Variants in KIF7 observed in about 807,000 individuals in gnomAD.
KIF7 encodes the protein kinesin family member 7.
Under a neutral mutation model 135.7 loss-of-function variants are expected in KIF7, and 104 were observed. That is an observed-to-expected ratio of 0.77 (90% CI 0.65 to 0.90). The LOEUF (loss-of-function observed/expected upper bound fraction) is 0.90, where lower values mean the gene tolerates loss of function less well. Among genes scored for constraint, KIF7 ranks in the 40% least tolerant of loss-of-function variants. KIF7 has a pLI of 0.00. For synonymous variants in KIF7, 883 were observed against 809.4 expected (o/e 1.09, Z -1.54); for missense variants, 2,005 against 1,839.1 (o/e 1.09, Z -1.65).
chr15:89,626,089 T>C, downstream of KIF7: 2 of 1,608,002 alleles, frequency 1.2e-6, no homozygotes, highest in Non-Finnish European at 1.7e-6. Context: ...TCTAGGACCC[T>C]TTCCTGTGAC....
Position 89,648,711 on chromosome 15 carries a change from G to A in KIF7, c.987C>T (p.Ser329=). 6.5e-7 allele frequency: 1 copy of A among 1,536,354 alleles called. No homozygotes were observed. The change falls in exon 5 of 19, where the codon TCC becomes TCT. Residue 329 remains serine, a synonymous_variant. Transcript: ENST00000394412. ...TGAGGGTCTCGTCGAAGTCGGAGGA[G>A]GAAGGGCTGACGCAGGCGATCATCA... is the stretch of plus-strand genomic sequence containing the variant. ...KTVMIACVSP[S]SSDFDETLNT...
chr15:89,626,190 A>T, downstream of KIF7: 1 of 990,482 alleles, frequency 1.0e-6, no homozygotes, highest in Non-Finnish European at 1.5e-6. Flanking sequence ...CTTCGCGCCT[A>T]CAGCGTCATG....
Position 89,642,245 on chromosome 15 carries a change from C to G in KIF7, c.2352G>C (p.Gln784His). ...CCGCAGCGACCCTCCTGCGGAACTCCTGGAGCCGAGACCGCTCGCCAGCAT... is the reference window on the plus strand; with the variant it reads ...CCGCAGCGACCCTCCTGCGGAACTCGTGGAGCCGAGACCGCTCGCCAGCAT... ...LQDAGERSRL[Q>H]EFRRRVAAAQ... Residue 784 changes from glutamine to histidine, a missense_variant, in exon 11 of 19, where the codon CAG becomes CAC. Transcript: ENST00000394412. The G allele has an allele frequency of 6.2e-7, 1 of 1,610,604 alleles. No homozygotes were observed. Among genetic ancestry groups the G allele is most frequent in the East Asian group, 2.2e-5 (1 of 44,860 alleles).
Position 89,633,205 on chromosome 15 carries a change from G to A in KIF7, c.2654C>T (p.Ala885Val), listed in dbSNP as rs774073055. ...ACTGCGCCTCTTCCTCTGGAATGCC[G>A]CGATCTCTTCCGTCTTAATCTTCAG... ...KILKIKTEEIAAFQRKRRSGS... is the reference protein window; with the variant it reads ...KILKIKTEEIVAFQRKRRSGS... The change falls in exon 13 of 19, where the codon GCG becomes GTG. Residue 885 changes from alanine to valine, a missense_variant. Ala to Val is a moderately conservative substitution (Grantham distance 64). Transcript: ENST00000394412. 26 of 1,600,786 alleles carry A rather than the reference G, an allele frequency of 1.6e-5. No homozygotes were observed. Among genetic ancestry groups the A allele is most frequent in the Middle Eastern group, 1.7e-4 (1 of 5,830 alleles).
chr15:89,619,773 T>A, intron 1 of KIF7: 1 of 1,614,050 alleles, frequency 6.2e-7, no homozygotes, highest in Non-Finnish European at 8.5e-7. Context: ...TTCTGCCTCC[T>A]TCTATTCTGT....
In KIF7 at chr15:89,647,711, T is replaced by A. The variant is rs1045937674; in HGVS notation, c.1445A>T (p.Glu482Val). Residue 482 changes from glutamate to valine, a missense_variant and splice_region_variant, in exon 6 of 19, where the codon GAG becomes GTG. Physicochemically the swap from Glu to Val is moderately radical, Grantham distance 121. Coordinates refer to ENST00000394412, the MANE Select transcript of KIF7 (RefSeq NM_198525.3). Reference sequence around the variant, plus strand: ...CAGCAGCTGCTGCGCCCCCTCATCCTCCTATAGGGCAGGGAGAGGGGCTTC... The same window carrying A: ...CAGCAGCTGCTGCGCCCCCTCATCCACCTATAGGGCAGGGAGAGGGGCTTC... ...QAAQGAGGRK[E>V]DEGAQQLLTL... 1.3e-6 allele frequency: 2 copies of A among 1,565,444 alleles called. No individual in the cohort carries two copies. The highest frequency in any genetic ancestry group is 1.9e-5 in the Admixed American group (1 of 53,848).
At chr15:89,646,801 A>G (rs199738096) in intron 7 of KIF7, 29 bp downstream of exon 7, 776 of 1,605,822 alleles carry the variant, frequency 4.8e-4, no homozygotes, top group Non-Finnish European at 6.4e-4. Context: ...AGCAGGGCCC[A>G]CAGACACCCA....
downstream of KIF7, chr15:89,623,643 G>A: frequency 6.2e-7 from 1 of 1,608,322 alleles, no homozygotes; most frequent in Non-Finnish European, 8.5e-7. Context: ...AGAGTCACCA[G>A]AAATCTCTGA....
At chr15:89,618,074 G>C (rs1963364170) in exon 2 of KIF7, 1 of 1,411,472 alleles carries the variant, frequency 7.1e-7, no homozygotes. Context: ...ATCTTGTTAA[G>C]TGAGAAGCTG....
rs925622958 is a variant in KIF7, at chr15:89,630,213, G to A, written c.3318+74C>T. 2.8e-4 allele frequency: 394 copies of A among 1,388,626 alleles called. 1 individual carries two copies. Among genetic ancestry groups the A allele is most frequent in the Non-Finnish European group, 4.0e-4 (390 of 984,052 alleles). 86.0% of individuals were successfully genotyped at this position (1,388,626 alleles called of 1,614,324 possible). A position where few individuals can be genotyped will look rare whatever the true frequency, so the allele number is the denominator to read the frequency against. ...CTGGGAGGAAACGGGATATCCGCTG[G>A]AGCAGCTGCCATGAGACACCTCCCC... is the stretch of plus-strand genomic sequence containing the variant. On this transcript the variant is annotated intron_variant, in intron 16 of 18. Coordinates refer to ENST00000394412, the MANE Select transcript of KIF7 (RefSeq NM_198525.3).
chr15:89,641,776 G>A (rs1357695282), intron 11 of KIF7, among the ~76,000 whole-genome samples: 1 of 152,164 alleles, frequency 6.6e-6, no homozygotes, highest in East Asian at 1.9e-4. Context: ...ACTCCAGCCT[G>A]GGCAACAGAG....
downstream of KIF7, chr15:89,626,011 C>G: frequency 6.2e-7 from 1 of 1,613,312 alleles, no homozygotes; most frequent in South Asian, 1.1e-5. Flanking sequence ...ACCCAGTCTC[C>G]GCTGCTGTTC....
rs78984448 is a variant in KIF7, at chr15:89,630,238, C to A, written c.3318+49G>T. 2.9e-3 allele frequency: 4,494 copies of A among 1,567,734 alleles called. 131 individuals carry two copies. The African/African-American group carries it at 0.053, about 18-fold the overall frequency. ...GAGCAGCTGCCATGAGACACCTCCC[C>A]ACACGTGCCGCTGAGGAGGAGCTGG... On this transcript the variant is annotated intron_variant, in intron 16 of 18. Transcript: ENST00000394412.
At chr15:89,623,891 G>T (rs762234007), downstream of KIF7, 1 of 1,613,910 alleles carries the variant, frequency 6.2e-7, no homozygotes, top group Non-Finnish European at 8.5e-7. Flanking sequence ...AAGACACCAA[G>T]AACTCCTAAG....
chr15:89,617,691 T>A (rs1407818943), intron 2 of KIF7, among the ~76,000 whole-genome samples: 3 of 37,994 alleles, frequency 7.9e-5, no homozygotes, highest in Non-Finnish European at 2.4e-4. Flanking sequence ...CCAGCTATCT[T>A]TTTTTTTTTT....
chr15:89,628,468 A>G lies in KIF7; in HGVS notation c.3983T>C (p.Leu1328Pro). 2.5e-6 allele frequency: 4 copies of G among 1,610,428 alleles called. No homozygotes were observed. The highest frequency in any genetic ancestry group is 3.4e-6 in the Non-Finnish European group (4 of 1,178,228). ...FGPLSKPRRE[L>P]RRASPGMIDV... ...AATCATCCCCGGGCTGGCTCGTCGC[A>G]GTTCCCGCCGGGGCTTGGACAAAGG... is the stretch of plus-strand genomic sequence containing the variant. The change falls in exon 19 of 19, where the codon CTG (leucine) becomes CCG (proline). Residue 1328 changes from leucine to proline, a missense_variant. Physicochemically the swap from Leu to Pro is moderately conservative, Grantham distance 98. Transcript: ENST00000394412.
intron 11 of KIF7, among the ~76,000 whole-genome samples, chr15:89,634,756 G>A (rs947045805): frequency 1.3e-5 from 2 of 152,202 alleles, no homozygotes; most frequent in Non-Finnish European, 2.9e-5. Context: ...GGGGAGGGGT[G>A]CCCACCATTG....
At chr15:89,624,712 A>C, downstream of KIF7, 1 of 1,614,164 alleles carries the variant, frequency 6.2e-7, no homozygotes. Flanking sequence ...CACTCTCCTC[A>C]GTGAAGCCGA....
chr15:89,627,217 G>C, downstream of KIF7: 1 of 1,129,526 alleles, frequency 8.9e-7, no homozygotes, highest in Non-Finnish European at 1.3e-6. Flanking sequence ...ATGCCTTAGG[G>C]TTTTCTAATT....
Sources: gnomAD v4.1 joint callset for allele counts (sites outside exome capture counted in the v4.1 genomes callset) on GRCh38, gnomAD v4.1.1 for gene constraint, MANE v1.5 for transcripts, NCBI Gene and HGNC (gene_info 2026-07-23, HGNC 2026-07-21) for gene names.